FZD4: variants seen among roughly 807,000 people sequenced by gnomAD.
FZD4 encodes the protein frizzled-4.
A neutral mutation model predicts 37.3 loss-of-function variants in FZD4; 16 were observed. The observed-to-expected ratio is 0.43, with a 90% CI of 0.29 to 0.65. The LOEUF is 0.65. Among genes scored for constraint, FZD4 ranks in the 30% least tolerant of loss-of-function variants. The pLI is 0.16. For missense variants in FZD4, 599 were observed against 674.3 expected (o/e 0.89, Z 1.24); for synonymous variants, 246 against 254.8 (o/e 0.97, Z 0.33).
Position 86,951,342 on chromosome 11 carries a change from A to C in FZD4, c.1414T>G (p.Ser472Ala). 6.2e-7 allele frequency: 1 copy of C among 1,613,892 alleles called. No homozygotes were observed. The highest frequency in any genetic ancestry group is 1.1e-5 in the South Asian group (1 of 91,076). ...TTCAACATTTCAACAGCCATGTTGG[A>C]ATCATCTGCAGAATACCGAAAAAGT... ...WALFRYSADD[S>A]NMAVEMLKIF... The change falls in exon 2 of 2, where the codon TCC becomes GCC. Residue 472 changes from serine (S) to alanine (A), a missense_variant. Coordinates refer to ENST00000531380, the MANE Select transcript of FZD4 (RefSeq NM_012193.4).
chr11:86,954,370 G>A (rs1178406285), intron 1 of FZD4: 3 of 985,160 alleles, frequency 3.0e-6, no homozygotes, highest in African/African-American at 1.7e-5. Context: ...GTGCAGTAGT[G>A]TTTCATTTAA....
intron 1 of FZD4, chr11:86,954,428 C>G: frequency 1.0e-6 from 1 of 985,248 alleles, no homozygotes; most frequent in Non-Finnish European, 1.2e-6. Flanking sequence ...GAAGGATGGT[C>G]TCCTTATCAC....
chr11:86,952,505 A>T (rs752864698), intron 1 of FZD4, 35 bp from the exon 2 acceptor site: 19 of 1,604,304 alleles, frequency 1.2e-5, no homozygotes, highest in Non-Finnish European at 1.6e-5. Flanking sequence ...ACACAAAAAA[A>T]ACAATGACTT....
Position 86,952,426 on chromosome 11 carries a change from G to T in FZD4, c.330C>A (p.Ile110=). ...CGCCGCATGGGCCAATGGGGATGTT[G>T]ATCTTCTCTGTGCACATTGGCACAT... ...SVYVPMCTEK[I]NIPIGPCGGM... is the part of the protein sequence containing the mutation. The change falls in exon 2 of 2, where the codon ATC becomes ATA. Residue 110 remains isoleucine, a synonymous_variant. Coordinates refer to ENST00000531380, the MANE Select transcript of FZD4 (RefSeq NM_012193.4). 1 of 1,613,952 alleles carries T rather than the reference G, an allele frequency of 6.2e-7. No individual in the cohort carries two copies. Among genetic ancestry groups the T allele is most frequent in the South Asian group, 1.1e-5 (1 of 91,050 alleles).
rs1244344386 is a variant in FZD4 at position 86,952,224 on chromosome 11, C to T, written c.532G>A (p.Gly178Arg). Residue 178 changes from glycine to arginine, a missense_variant, in exon 2 of 2, where the codon GGG becomes AGG. Around this residue, in one of 3 missense-constraint regions of FZD4, gnomAD observed 357 missense variants for 396.1 expected, o/e 0.90. Coordinates refer to ENST00000531380, the MANE Select transcript of FZD4 (RefSeq NM_012193.4). ...PLPHKTPIQP[G>R]EECHSVGTNS... ...GTTCCCACAGAGTGACACTCTTCCC[C>T]AGGCTGGATGGGGGTTTTGTGAGGT... is the stretch of plus-strand genomic sequence containing the variant. The T allele has an allele frequency of 6.2e-7, 1 of 1,614,150 alleles. No homozygotes were observed. The highest frequency in any genetic ancestry group is 2.2e-5 in the East Asian group (1 of 44,880).
In FZD4 at chr11:86,951,759, G is replaced by T; in HGVS notation, c.997C>A (p.Leu333Ile). 1 of 1,614,160 alleles carries T rather than the reference G, an allele frequency of 6.2e-7. No homozygotes were observed. Among genetic ancestry groups the T allele is most frequent in the Non-Finnish European group, 8.5e-7 (1 of 1,180,024 alleles). ...TCAATGGCTTCATGACCCCATTTGA[G>T]TCCTGCTGCCAAAAACCAAGTGAGT... is the stretch of plus-strand genomic sequence containing the variant. ...LTLTWFLAAG[L>I]KWGHEAIEMH... Residue 333 changes from leucine to isoleucine, a missense_variant, in exon 2 of 2, where the codon CTC becomes ATC. Physicochemically the swap from Leu to Ile is conservative, Grantham distance 5 (BLOSUM62 2). Transcript: ENST00000531380.
chr11:86,951,829 C>T lies in FZD4; in HGVS notation c.927G>A (p.Met309Ile). ...TGGAGCTGGCCATTCCAAAAAAGTACATCAGCAAGAAAATTATTGCACATC... is the reference window on the plus strand; with the variant it reads ...TGGAGCTGGCCATTCCAAAAAAGTATATCAGCAAGAAAATTATTGCACATC... ...NTGCAIIFLL[M>I]YFFGMASSIW... Residue 309 changes from methionine (M) to isoleucine (I), a missense_variant, in exon 2 of 2, where the codon ATG becomes ATA. Transcript: ENST00000531380. 3 of 1,613,858 alleles carry T rather than the reference C, an allele frequency of 1.9e-6. No individual in the cohort carries two copies. The highest frequency in any genetic ancestry group is 2.5e-6 in the Non-Finnish European group (3 of 1,179,998).
chr11:86,951,047 A>C lies in FZD4; in HGVS notation c.*95T>G. The C allele has an allele frequency of 5.2e-6, 7 of 1,336,498 alleles. No homozygotes were observed. Among genetic ancestry groups the C allele is most frequent in the Non-Finnish European group, 7.5e-6 (7 of 929,406 alleles). The allele number at this position is 1,336,498 out of a possible 1,614,324, so 82.8% of individuals were successfully genotyped here. A position where few individuals can be genotyped will look rare whatever the true frequency, so the allele number is the denominator to read the frequency against. The stretch of plus-strand genomic sequence containing the variant: ...ACTTAATTGTTGCTAGTTTGTTCAA[A>C]CTGAGATTCACTGCATAAAACTTTT... On this transcript the variant is annotated 3_prime_UTR_variant, in exon 2 of 2. Coordinates refer to ENST00000531380, the MANE Select transcript of FZD4 (RefSeq NM_012193.4).
chr11:86,954,198 T>C (rs1168315283), intron 1 of FZD4: 2 of 981,440 alleles, frequency 2.0e-6, no homozygotes, highest in Admixed American at 6.1e-5. Flanking sequence ...TTTCTTCCAA[T>C]ATACCAACCA....
Position 86,947,835 on chromosome 11 carries a change from G to C in FZD4, c.*3307C>G. 6.6e-6 allele frequency: 1 copy of C among 152,290 alleles called. No individual in the cohort carries two copies. Among genetic ancestry groups the C allele is most frequent in the East Asian group, 1.9e-4 (1 of 5,202 alleles). 9.4% of individuals were successfully genotyped at this position (152,290 alleles called of 1,614,324 possible). On this transcript the variant is annotated 3_prime_UTR_variant, in exon 2 of 2. Coordinates refer to ENST00000531380, the MANE Select transcript of FZD4 (RefSeq NM_012193.4). ...AAGGAGGTTGGACAGAGGTGCCATT[G>C]CACCATGTTTAATCTCTGGAGGCCA...
Position 86,952,432 on chromosome 11 carries a change from C to A in FZD4, c.324G>T (p.Glu108Asp). 1 of 1,613,988 alleles carries A rather than the reference C, an allele frequency of 6.2e-7. No homozygotes were observed. Among genetic ancestry groups the A allele is most frequent in the Non-Finnish European group, 8.5e-7 (1 of 1,179,924 alleles). ...LCSVYVPMCTEKINIPIGPCG... is the reference protein window; with the variant it reads ...LCSVYVPMCTDKINIPIGPCG... ...ATGGGCCAATGGGGATGTTGATCTT[C>A]TCTGTGCACATTGGCACATAAACAG... The change falls in exon 2 of 2, where the codon GAG (glutamate) becomes GAT (aspartate). Residue 108 changes from glutamate to aspartate, a missense_variant. Glu to Asp is a conservative substitution (Grantham distance 45, BLOSUM62 2). Coordinates refer to ENST00000531380, the MANE Select transcript of FZD4 (RefSeq NM_012193.4).
At position 86,951,955 on chromosome 11, in the gene FZD4, A is replaced by G; in HGVS notation, c.801T>C (p.Ile267=). ...CTACAGTCAGCCTGACAATATAAGCAATGCTATAAATATTATAGCACATAC... is the reference window on the plus strand; with the variant it reads ...CTACAGTCAGCCTGACAATATAAGCGATGCTATAAATATTATAGCACATAC... ...FLSMCYNIYS[I]AYIVRLTVGR... The change falls in exon 2 of 2, where the codon ATT becomes ATC. Residue 267 remains isoleucine (I), a synonymous_variant. Transcript: ENST00000531380. 2 of 1,613,750 alleles carry G rather than the reference A, an allele frequency of 1.2e-6. No individual in the cohort carries two copies. The highest frequency in any genetic ancestry group is 1.7e-6 in the Non-Finnish European group (2 of 1,179,680).
In FZD4 at chr11:86,952,927, ATTCTC is replaced by A. The variant is rs1249722285; in HGVS notation, c.286-462_286-458del. On this transcript the variant is annotated intron_variant, in intron 1 of 1. Transcript: ENST00000531380. Reference sequence around the variant, plus strand: ...AAAAAAAAATGTAGATCCTGTTAGTATTCTCTTCTCCCTAATTTATCCCTTAAAAA... The same window carrying A: ...AAAAAAAAATGTAGATCCTGTTAGTATTCTCCCTAATTTATCCCTTAAAAA... 4 of 160,474 alleles carry A rather than the reference ATTCTC, an allele frequency of 2.5e-5. No individual in the cohort carries two copies. The East Asian group carries it at 7.2e-4, about 29-fold the overall frequency. The allele number at this position is 160,474 out of a possible 1,614,324, so 9.9% of individuals were successfully genotyped here. A position where few individuals can be genotyped will look rare whatever the true frequency, so the allele number is the denominator to read the frequency against.
Position 86,951,233 on chromosome 11 carries a change from G to A in FZD4, c.1523C>T (p.Ser508Phe), listed in dbSNP as rs745745495. 11 of 1,613,798 alleles carry A rather than the reference G, an allele frequency of 6.8e-6. No individual in the cohort carries two copies. Among genetic ancestry groups the A allele is most frequent in the African/African-American group, 1.3e-5 (1 of 74,830 alleles). ...CTTTCCAGAATTCACCAATCTGTTG[G>A]AACACTTCTGCCACGTGTGAAGAGT... ...AKTLHTWQKC[S>F]NRLVNSGKVK... Residue 508 changes from serine (S) to phenylalanine (F), a missense_variant, in exon 2 of 2, where the codon TCC (serine) becomes TTC (phenylalanine). Coordinates refer to ENST00000531380, the MANE Select transcript of FZD4 (RefSeq NM_012193.4).
Position 86,952,702 on chromosome 11 carries a change from A to G in FZD4, c.286-232T>C. On this transcript the variant is annotated intron_variant, in intron 1 of 1. Coordinates refer to ENST00000531380, the MANE Select transcript of FZD4 (RefSeq NM_012193.4). ...AGTAATCCTTTCCAGAAGAATGTAC[A>G]TAAATAAATAAATAAAATAAATAGG... is the stretch of plus-strand genomic sequence containing the variant. The G allele has an allele frequency of 9.0e-6, 4 of 443,884 alleles. No individual in the cohort carries two copies. In the South Asian group the frequency reaches 1.2e-4, roughly 13 times the overall value. The allele number at this position is 443,884 out of a possible 1,614,324, so 27.5% of individuals were successfully genotyped here.
Position 86,952,118 on chromosome 11 carries a change from C to T in FZD4, c.638G>A (p.Arg213His), listed in dbSNP as rs374499509. The T allele has an allele frequency of 6.8e-6, 11 of 1,613,774 alleles. No homozygotes were observed. The highest frequency in any genetic ancestry group is 5.3e-5 in the African/African-American group (4 of 74,908). The part of the protein sequence containing the change: ...KCGYDAGLYS[R>H]SAKEFTDIWM... ...GATATCAGTGAACTCCTTGGCTGAG[C>T]GGCTGTATAAGCCAGCATCATAGCC... The change falls in exon 2 of 2, where the codon CGC becomes CAC. Residue 213 changes from arginine to histidine, a missense_variant. Physicochemically the swap from Arg to His is conservative, Grantham distance 29 (BLOSUM62 0). Around this residue, in one of 3 missense-constraint regions of FZD4, gnomAD observed 357 missense variants for 396.1 expected, o/e 0.90. Transcript: ENST00000531380.
intron 1 of FZD4, chr11:86,954,049 G>T (rs74513685): frequency 0.015 from 2,650 of 173,020 alleles, 24 homozygotes; most frequent in South Asian, 0.026. Flanking sequence ...AAATTTTCCT[G>T]TCAGTCTTTT....
intron 1 of FZD4, among the ~76,000 whole-genome samples, chr11:86,953,594 A>G (rs1949312035): frequency 6.6e-6 from 1 of 152,010 alleles, no homozygotes; most frequent in African/African-American, 2.4e-5. Context: ...CAGAAGTTAC[A>G]GCCAGAACCA....
In FZD4 at chr11:86,952,301, T is replaced by C; in HGVS notation, c.455A>G (p.Asn152Ser). 2 of 1,614,182 alleles carry C rather than the reference T, an allele frequency of 1.2e-6. No individual in the cohort carries two copies. Among genetic ancestry groups the C allele is most frequent in the Non-Finnish European group, 1.7e-6 (2 of 1,180,028 alleles). ...SLNCSKFPPQ[N>S]DHNHMCMEGP... ...TTCCATGCACATGTGGTTGTGGTCG[T>C]TCTGTGGTGGGAATTTGCTGCAGTT... is the stretch of plus-strand genomic sequence containing the variant. The change falls in exon 2 of 2, where the codon AAC (asparagine) becomes AGC (serine). Residue 152 changes from asparagine (N) to serine (S), a missense_variant. Asn to Ser is a conservative substitution (Grantham distance 46). Around this residue, in one of 3 missense-constraint regions of FZD4, gnomAD observed 357 missense variants for 396.1 expected, o/e 0.90. Transcript: ENST00000531380.
Sources: allele counts gnomAD v4.1 joint callset (sites outside exome capture counted in the v4.1 genomes callset), GRCh38; gene constraint gnomAD v4.1.1; regional missense constraint gnomAD v4.1.1; transcripts MANE v1.5; gene names NCBI Gene and HGNC (gene_info 2026-07-23, HGNC 2026-07-21).